Variants in SAMD5 observed in about 807,000 individuals in gnomAD.
The protein encoded by SAMD5 is sterile alpha motif domain-containing protein 5.
A neutral mutation model predicts 11.3 loss-of-function variants in SAMD5; 13 were observed. That is an observed-to-expected ratio of 1.15 (90% CI 0.75 to 1.83). The LOEUF (loss-of-function observed/expected upper bound fraction) is 1.83, where lower values mean the gene tolerates loss of function less well. Ranked by LOEUF, SAMD5 falls within the 40% of genes most tolerant of loss-of-function variation. SAMD5 has a pLI of 0.00. For missense variants in SAMD5, 255 were observed against 239.1 expected, an observed-to-expected ratio of 1.07 and a Z score of -0.44; for synonymous variants, 129 against 111.3, an observed-to-expected ratio of 1.16 and a Z score of -1.00.
the SAMD5 span, among the ~76,000 whole-genome samples, chr6:147,817,087 C>T: frequency 0.013 from 1,905 of 152,012 alleles, 32 homozygotes; most frequent in East Asian, 0.063. Context: ...GCTCTGAAAG[C>T]CTTTGCTCTA....
chr6:147,558,360 C>T (rs983600194), intron 1 of SAMD5, among the ~76,000 whole-genome samples: 1 of 152,134 alleles, frequency 6.6e-6, no homozygotes, highest in African/African-American at 2.4e-5. Context: ...CAGACACTGG[C>T]GTTCAGCACA....
At chr6:147,817,782 A>T in the SAMD5 span, among the ~76,000 whole-genome samples, 1 of 152,188 alleles carries the variant, frequency 6.6e-6, no homozygotes, top group Admixed American at 6.5e-5. Context: ...GAGTGTTATC[A>T]TTCAATTTTC....
At chr6:147,802,554 T>G in the SAMD5 span, among the ~76,000 whole-genome samples, 1 of 152,182 alleles carries the variant, frequency 6.6e-6, no homozygotes, top group African/African-American at 2.4e-5. Context: ...GTTCCACCCC[T>G]GGGTAGAGAA....
At chr6:147,879,106 A>G in the SAMD5 span, among the ~76,000 whole-genome samples, 1,717 of 152,352 alleles carry the variant, frequency 0.011, 37 homozygotes, top group African/African-American at 0.039. Flanking sequence ...AATTAAAGAT[A>G]AGATATTGCA....
At chr6:147,720,137 A>G (rs1791526706) in intron 1 of SAMD5, among the ~76,000 whole-genome samples, 1 of 152,148 alleles carries the variant, frequency 6.6e-6, no homozygotes, top group Non-Finnish European at 1.5e-5. Flanking sequence ...CTCCCTATCT[A>G]GGTAAGAGGG....
chr6:147,939,570 T>C, the SAMD5 span, among the ~76,000 whole-genome samples: 1 of 152,182 alleles, frequency 6.6e-6, no homozygotes, highest in African/African-American at 2.4e-5. Context: ...AAAATATGTA[T>C]TTATCACACC....
At chr6:147,741,613 T>A (rs186533695), downstream of SAMD5, 2 of 152,274 alleles carry the variant, frequency 1.3e-5, no homozygotes. Flanking sequence ...AGTGCGTATG[T>A]GTTGTTGGCA....
the SAMD5 span, among the ~76,000 whole-genome samples, chr6:147,789,274 GAA>G: frequency 9.3e-6 from 1 of 107,138 alleles, no homozygotes; most frequent in Non-Finnish European, 1.8e-5. Context: ...CCAGTCTCTA[GAA>G]AAACACACAC....
chr6:147,734,458 T>C (rs1791761955), intron 1 of SAMD5, among the ~76,000 whole-genome samples: 1 of 152,122 alleles, frequency 6.6e-6, no homozygotes, highest in Non-Finnish European at 1.5e-5. Flanking sequence ...GGCTCACGCC[T>C]GTAATCCCAG....
At chr6:147,772,477 A>T in the SAMD5 span, among the ~76,000 whole-genome samples, 1 of 152,198 alleles carries the variant, frequency 6.6e-6, no homozygotes, top group South Asian at 2.1e-4. Context: ...TCAGGCTGTC[A>T]TAACAAAATA....
At chr6:147,722,537 C>A (rs1240066443) in intron 1 of SAMD5, among the ~76,000 whole-genome samples, 1 of 152,198 alleles carries the variant, frequency 6.6e-6, no homozygotes, top group Non-Finnish European at 1.5e-5. Context: ...CCTGGCCCCT[C>A]TCCCTAGGCA....
At chr6:147,575,523 T>C (rs1194210666) in intron 1 of SAMD5, among the ~76,000 whole-genome samples, 2 of 152,228 alleles carry the variant, frequency 1.3e-5, no homozygotes, top group African/African-American at 4.8e-5. Flanking sequence ...TGACTATAAT[T>C]CTCCATCTCC....
At chr6:147,572,206 T>C (rs2128445434), downstream of SAMD5, among the ~76,000 whole-genome samples, 1 of 151,522 alleles carries the variant, frequency 6.6e-6, no homozygotes, top group East Asian at 1.9e-4. Flanking sequence ...GGGCATTTCC[T>C]ATTTTCGGGG....
chr6:147,765,945 G>A, the SAMD5 span, among the ~76,000 whole-genome samples: 1 of 152,048 alleles, frequency 6.6e-6, no homozygotes, highest in Admixed American at 6.5e-5. Context: ...TTGACACCTA[G>A]AGGAAACAGG....
chr6:147,650,503 G>T (rs1790468660), intron 1 of SAMD5, among the ~76,000 whole-genome samples: 1 of 152,204 alleles, frequency 6.6e-6, no homozygotes, highest in Non-Finnish European at 1.5e-5. Flanking sequence ...AACATGAACC[G>T]CCTGGTATGC....
chr6:147,697,771 C>G (rs988260857), intron 1 of SAMD5, among the ~76,000 whole-genome samples: 1 of 152,148 alleles, frequency 6.6e-6, no homozygotes, highest in Non-Finnish European at 1.5e-5. Context: ...TGGTGAGTTT[C>G]AGTTCTTCTA....
chr6:147,603,127 A>G (rs1789648377), intron 1 of SAMD5, among the ~76,000 whole-genome samples: 1 of 152,242 alleles, frequency 6.6e-6, no homozygotes, highest in African/African-American at 2.4e-5. Flanking sequence ...TTCTGTAAAA[A>G]GAAACAGATC....
At chr6:147,842,079 C>T in the SAMD5 span, among the ~76,000 whole-genome samples, 3 of 152,102 alleles carry the variant, frequency 2.0e-5, no homozygotes, top group Admixed American at 1.3e-4. Flanking sequence ...GATTAATTTA[C>T]ATGTAATAAT....
At chr6:147,942,185 C>T in the SAMD5 span, among the ~76,000 whole-genome samples, 24 of 152,112 alleles carry the variant, frequency 1.6e-4, no homozygotes, top group South Asian at 4.8e-3. Context: ...CTGTGTGAAG[C>T]TTTTTAAATG....
Sources: allele counts gnomAD v4.1 joint callset (sites outside exome capture counted in the v4.1 genomes callset), GRCh38; gene constraint gnomAD v4.1.1; transcripts MANE v1.5; gene names NCBI Gene and HGNC (gene_info 2026-07-23, HGNC 2026-07-21).